FAT3: variants seen among roughly 807,000 people sequenced by gnomAD.
The protein encoded by FAT3 is FAT atypical cadherin 3.
In FAT3, 95 loss-of-function variants were observed where a neutral mutation model predicts 310.2. That is an observed-to-expected ratio of 0.31 (90% CI 0.26 to 0.36). The LOEUF is 0.36. Ranked by LOEUF, FAT3 falls within the 10% of genes least tolerant of loss-of-function variation. The probability of loss-of-function intolerance (pLI) is 1.00; values close to 1 mark genes in which losing one functional copy is unlikely to be tolerated. For missense variants in FAT3, 5,408 were observed against 5,715.6 expected (o/e 0.95, Z 1.74); for synonymous variants, 2,314 against 2,192.9 (o/e 1.06, Z -1.54).
chr11:92,307,912 A>G (rs1003093903), intron 1 of FAT3, among the ~76,000 whole-genome samples: 2 of 152,080 alleles, frequency 1.3e-5, no homozygotes, highest in Admixed American at 1.3e-4. Context: ...CTCTTTCTTT[A>G]TGAACATTTT....
intron 2 of FAT3, among the ~76,000 whole-genome samples, chr11:92,356,201 A>T (rs748668555): frequency 6.6e-6 from 1 of 152,188 alleles, no homozygotes; most frequent in East Asian, 1.9e-4. Context: ...GCCTGGACAC[A>T]TGCATCTCTT....
chr11:92,419,399 G>A (rs1316412033), intron 2 of FAT3, among the ~76,000 whole-genome samples: 1 of 151,996 alleles, frequency 6.6e-6, no homozygotes, highest in African/African-American at 2.4e-5. Flanking sequence ...CAGGTGAGAG[G>A]GATCTAATTA....
In FAT3 at chr11:92,672,209, A is replaced by G. The variant is rs1001948707; in HGVS notation, c.3608-25175A>G. On this transcript the variant is annotated intron_variant, in intron 3 of 27. Transcript: ENST00000525166. Reference sequence around the variant, plus strand: ...GCTAACCAAACAGAAAAAAATATTCAGTAGGTACCTTCTCATCCCCAGACC... The same window carrying G: ...GCTAACCAAACAGAAAAAAATATTCGGTAGGTACCTTCTCATCCCCAGACC... Among the ~76,000 whole-genome samples, 15 of 152,230 alleles carry G rather than the reference A, an allele frequency of 9.9e-5. 1 individual carries two copies. Among genetic ancestry groups the G allele is most frequent in the Non-Finnish European group, 2.9e-5 (2 of 68,034 alleles).
chr11:92,679,583 C>G (rs987897117), intron 3 of FAT3, among the ~76,000 whole-genome samples: 2 of 151,928 alleles, frequency 1.3e-5, no homozygotes, highest in African/African-American at 4.8e-5. Flanking sequence ...TGGCTCACGC[C>G]TGTAATCCCA....
intron 3 of FAT3, among the ~76,000 whole-genome samples, chr11:92,633,915 A>G (rs373026397): frequency 5.3e-5 from 8 of 152,166 alleles, no homozygotes; most frequent in South Asian, 2.1e-4. Flanking sequence ...TGTTGTCTCT[A>G]TGTACTGAGA....
chr11:92,512,100 AT>A (rs1953310548), intron 2 of FAT3, among the ~76,000 whole-genome samples: 1 of 152,136 alleles, frequency 6.6e-6, no homozygotes, highest in African/African-American at 2.4e-5. Flanking sequence ...TTGCCACTTG[AT>A]TAGCTGGGCA....
intron 2 of FAT3, among the ~76,000 whole-genome samples, chr11:92,461,841 C>T (rs574741761): frequency 1.1e-4 from 17 of 152,164 alleles, no homozygotes; most frequent in East Asian, 1.9e-4. Flanking sequence ...CTCTCACCCT[C>T]GCCTCGACTT....
At position 92,831,651 on chromosome 11, in the gene FAT3, G is replaced by A. The variant is rs1446864468; in HGVS notation, c.9511G>A (p.Ala3171Thr). 6.2e-7 allele frequency: 1 copy of A among 1,612,876 alleles called. No homozygotes were observed. Among genetic ancestry groups the A allele is most frequent in the Non-Finnish European group, 8.5e-7 (1 of 1,179,670 alleles). Residue 3171 changes from alanine to threonine, a missense_variant, in exon 14 of 28, where the codon GCA (alanine) becomes ACA (threonine). Around this residue, in one of 5 missense-constraint regions of FAT3, gnomAD observed 4,588 missense variants for 4,809.8 expected, o/e 0.95. Transcript: ENST00000525166. ...CAATAGGAAGGTCGTGTACTCCCTGGCAGACTCAGCTGGTGGGGTCTTCTC... is the reference window on the plus strand; with the variant it reads ...CAATAGGAAGGTCGTGTACTCCCTGACAGACTCAGCTGGTGGGGTCTTCTC... The part of the protein sequence containing the change: ...GINRKVVYSL[A>T]DSAGGVFSID...
intron 4 of FAT3, among the ~76,000 whole-genome samples, chr11:92,715,900 G>A (rs1944667651): frequency 6.6e-6 from 1 of 151,990 alleles, no homozygotes; most frequent in African/African-American, 2.4e-5. Flanking sequence ...TATGACAGGA[G>A]TAGCCTACCT....
chr11:92,563,489 A>C (rs1231778442), intron 3 of FAT3, among the ~76,000 whole-genome samples: 1 of 152,214 alleles, frequency 6.6e-6, no homozygotes, highest in Non-Finnish European at 1.5e-5. Flanking sequence ...AATTACTACT[A>C]ACAGTAATAA....
At chr11:92,740,203 G>A (rs1010167677) in intron 4 of FAT3, among the ~76,000 whole-genome samples, 2 of 152,162 alleles carry the variant, frequency 1.3e-5, no homozygotes, top group African/African-American at 4.8e-5. Context: ...AAACAACTGA[G>A]TACTTATTGG....
chr11:92,793,665 C>A (rs1452212453), intron 9 of FAT3, among the ~76,000 whole-genome samples: 1 of 152,122 alleles, frequency 6.6e-6, no homozygotes, highest in Non-Finnish European at 1.5e-5. Context: ...AAGAAATAAC[C>A]TAAAAATGAC....
intron 3 of FAT3, among the ~76,000 whole-genome samples, chr11:92,570,082 G>A (rs1333387733): frequency 1.3e-5 from 2 of 152,162 alleles, no homozygotes; most frequent in African/African-American, 4.8e-5. Flanking sequence ...AGTCATTTTG[G>A]TGCCATGTAG....
intron 3 of FAT3, among the ~76,000 whole-genome samples, chr11:92,587,352 A>G (rs2135549806): frequency 6.6e-6 from 1 of 152,038 alleles, no homozygotes; most frequent in Admixed American, 6.6e-5. Context: ...TACACTTTTT[A>G]CCATTATTTA....
chr11:92,640,657 C>T (rs527733246), intron 3 of FAT3, among the ~76,000 whole-genome samples: 19 of 152,252 alleles, frequency 1.2e-4, no homozygotes, highest in African/African-American at 4.6e-4. Flanking sequence ...GCACTTTCAC[C>T]TTTTAATACT....
intron 4 of FAT3, among the ~76,000 whole-genome samples, chr11:92,756,162 T>G (rs1945985089): frequency 6.6e-6 from 1 of 152,242 alleles, no homozygotes; most frequent in South Asian, 2.1e-4. Context: ...GGGGATATGT[T>G]CCAAGATCCC....
intron 2 of FAT3, among the ~76,000 whole-genome samples, chr11:92,507,804 T>C (rs759010887): frequency 6.6e-6 from 1 of 152,024 alleles, no homozygotes; most frequent in Non-Finnish European, 1.5e-5. Context: ...TGTGTATATG[T>C]GTGCATGTGT....
chr11:92,799,612 G>T lies in FAT3; in HGVS notation c.6599G>T (p.Arg2200Ile). 6.2e-7 allele frequency: 1 copy of T among 1,613,750 alleles called. No homozygotes were observed. Among genetic ancestry groups the T allele is most frequent in the Non-Finnish European group, 8.5e-7 (1 of 1,179,818 alleles). The change falls in exon 10 of 28, where the codon AGA (arginine) becomes ATA (isoleucine). Residue 2200 changes from arginine (R) to isoleucine (I), a missense_variant. This residue lies in a region of FAT3 where 4,588 missense variants were observed against 4,809.8 expected (regional missense o/e 0.95). Transcript: ENST00000525166. ...FYTASVNEDI[R>I]MNTPILSINA... is the part of the protein sequence containing the mutation. ...ACAGCATCTGTCAATGAAGACATCAGAATGAACACACCCATCCTAAGCATC... is the reference window on the plus strand; with the variant it reads ...ACAGCATCTGTCAATGAAGACATCATAATGAACACACCCATCCTAAGCATC...
At chr11:92,390,937 G>A (rs1353388753) in intron 2 of FAT3, among the ~76,000 whole-genome samples, 1 of 152,166 alleles carries the variant, frequency 6.6e-6, no homozygotes, top group Non-Finnish European at 1.5e-5. Flanking sequence ...CCTTTGAATG[G>A]CAGATTAGGG....
Sources: gnomAD v4.1 joint callset for allele counts (sites outside exome capture counted in the v4.1 genomes callset) on GRCh38, gnomAD v4.1.1 for gene constraint, gnomAD v4.1.1 regional missense constraint, MANE v1.5 for transcripts, NCBI Gene and HGNC (gene_info 2026-07-23, HGNC 2026-07-21) for gene names.